Variants in PTPN1 observed in about 807,000 individuals in gnomAD.
PTPN1 encodes protein tyrosine phosphatase non-receptor type 1.
A neutral mutation model predicts 59.9 loss-of-function variants in PTPN1; 12 were observed. The observed-to-expected ratio is 0.20, with a 90% CI of 0.13 to 0.32. PTPN1 has a LOEUF of 0.32. PTPN1 is among the 10% of genes least tolerant of loss of function. PTPN1 has a pLI of 1.00. For synonymous variants in PTPN1, 178 were observed against 203.6 expected (o/e 0.87, Z 1.07); for missense variants, 356 against 549.2 (o/e 0.65, Z 3.52).
At chr20:50,542,523 A>G (rs183221327) in intron 1 of PTPN1, among the ~76,000 whole-genome samples, 34 of 152,328 alleles carry the variant, frequency 2.2e-4, no homozygotes, top group Non-Finnish European at 1.3e-4. Flanking sequence ...TTGTCATTTC[A>G]TGAGCTTTGG....
At chr20:50,558,767 A>G (rs1601406173) in intron 1 of PTPN1, among the ~76,000 whole-genome samples, 4 of 152,182 alleles carry the variant, frequency 2.6e-5, no homozygotes, top group African/African-American at 7.2e-5. Context: ...TCACACAGCT[A>G]TCTCGTGAGT....
chr20:50,514,479 G>C (rs564156249), intron 1 of PTPN1, among the ~76,000 whole-genome samples: 76 of 152,076 alleles, frequency 5.0e-4, no homozygotes, highest in Non-Finnish European at 8.7e-4. Flanking sequence ...TTGTGATCTT[G>C]TAGATTACAG....
chr20:50,578,822 G>A (rs767474836), intron 6 of PTPN1, among the ~76,000 whole-genome samples, 193 bp downstream of exon 6: 4 of 152,238 alleles, frequency 2.6e-5, no homozygotes, highest in Admixed American at 6.5e-5. Context: ...ACTGGCTCCC[G>A]GTTCTGCAGG....
chr20:50,567,987 A>G (rs1255203209), intron 3 of PTPN1, among the ~76,000 whole-genome samples: 2 of 152,258 alleles, frequency 1.3e-5, no homozygotes, highest in Admixed American at 6.5e-5. Flanking sequence ...GATTGGAACC[A>G]AGAGAAGTGT....
rs766874557 is a variant in PTPN1, at chr20:50,528,736, T to TAAA, written c.63+18159_63+18161dup. On this transcript the variant is annotated intron_variant, in intron 1 of 9. Transcript: ENST00000371621. ...CTTAAAAAAAAAAAAGACTCCATCT[T>TAAA]AAAAAAAAAAAAAAAGAAAAAAGAA... 1.8e-4 allele frequency among the ~76,000 whole-genome samples: 21 copies of TAAA among 115,376 alleles called. No homozygotes were observed. The South Asian group carries it at 5.5e-3, about 30-fold the overall frequency. The allele number at this position is 115,376 out of a possible 152,430, so 75.7% of individuals were successfully genotyped here.
intron 1 of PTPN1, among the ~76,000 whole-genome samples, chr20:50,560,099 G>C (rs561692103): frequency 8.4e-4 from 128 of 152,148 alleles, no homozygotes; most frequent in African/African-American, 3.0e-3. Context: ...AGATTATCTA[G>C]AGATGCTCTG....
chr20:50,528,404 T>C (rs750519053), intron 1 of PTPN1, among the ~76,000 whole-genome samples: 1 of 152,146 alleles, frequency 6.6e-6, no homozygotes, highest in Non-Finnish European at 1.5e-5. Flanking sequence ...CCCAATATAG[T>C]GTTTGGCATA....
intron 1 of PTPN1, among the ~76,000 whole-genome samples, chr20:50,534,621 T>C (rs1337136869): frequency 6.6e-6 from 1 of 152,194 alleles, no homozygotes; most frequent in East Asian, 1.9e-4. Flanking sequence ...TATAAGTTAA[T>C]ATTTGTATCT....
intron 1 of PTPN1, among the ~76,000 whole-genome samples, chr20:50,543,707 C>G (rs1174013566): frequency 6.6e-6 from 1 of 152,102 alleles, no homozygotes; most frequent in African/African-American, 2.4e-5. Context: ...AAAATAGACT[C>G]TGATGGTTTA....
At chr20:50,521,441 G>A (rs765768059) in intron 1 of PTPN1, among the ~76,000 whole-genome samples, 5 of 152,238 alleles carry the variant, frequency 3.3e-5, no homozygotes, top group Admixed American at 6.5e-5. Context: ...AATGTTTCAG[G>A]AGGACAATGA....
intron 1 of PTPN1, among the ~76,000 whole-genome samples, chr20:50,555,107 A>T (rs777562815): frequency 6.6e-6 from 1 of 152,242 alleles, no homozygotes; most frequent in Non-Finnish European, 1.5e-5. Context: ...GAAGAAAGGA[A>T]ATAGAGTAGA....
intron 1 of PTPN1, among the ~76,000 whole-genome samples, chr20:50,547,294 CT>C (rs1454561896): frequency 6.6e-6 from 1 of 152,030 alleles, no homozygotes; most frequent in Non-Finnish European, 1.5e-5. Flanking sequence ...AACAAAGGCT[CT>C]AGAAGCTTAC....
chr20:50,562,980 A>G (rs935365374), intron 2 of PTPN1: 4 of 152,144 alleles, frequency 2.6e-5, no homozygotes, highest in African/African-American at 9.7e-5. Context: ...ACAGAGAAAA[A>G]AAACCAGTAT....
In PTPN1 at chr20:50,579,909, A is replaced by T. The variant is rs747984986; in HGVS notation, c.1071A>T (p.Ala357=). ...KEEKGSPLNA[A]PYGIESMSQD... ...AAAAAGGAAGCCCCTTAAATGCCGC[A>T]CCCTACGGCATCGAAAGGTAATATG... The change falls in exon 8 of 10, where the codon GCA becomes GCT. Residue 357 remains alanine, a synonymous_variant. Transcript: ENST00000371621. 1 of 1,613,636 alleles carries T rather than the reference A, an allele frequency of 6.2e-7. No individual in the cohort carries two copies. Among genetic ancestry groups the T allele is most frequent in the African/African-American group, 1.3e-5 (1 of 74,902 alleles).
At chr20:50,578,650 G>T in intron 6 of PTPN1, 21 bp downstream of exon 6, 2 of 1,603,142 alleles carry the variant, frequency 1.2e-6, no homozygotes, top group Non-Finnish European at 1.7e-6. Context: ...CCTCGCGGGT[G>T]CCCTGGGGAG....
intron 8 of PTPN1, 106 bp from the exon 9 acceptor site, chr20:50,581,159 T>A (rs186351414): frequency 3.7e-4 from 547 of 1,469,874 alleles, no homozygotes; most frequent in Admixed American, 2.2e-3. Context: ...TCCAACTCTG[T>A]CTACACGTGG....
chr20:50,578,142 A>G, intron 5 of PTPN1: 1 of 393,412 alleles, frequency 2.5e-6, no homozygotes, highest in Non-Finnish European at 4.8e-6. Context: ...AACCATGTAG[A>G]CAGTGGAAGT....
intron 3 of PTPN1, among the ~76,000 whole-genome samples, chr20:50,566,609 C>A (rs150199172): frequency 1.6e-4 from 25 of 152,196 alleles, no homozygotes; most frequent in African/African-American, 5.5e-4. Context: ...ACACCCTTCC[C>A]ATTTTTTTTT....
chr20:50,565,473 C>A (rs2082774547), intron 3 of PTPN1, among the ~76,000 whole-genome samples: 1 of 152,220 alleles, frequency 6.6e-6, no homozygotes, highest in South Asian at 2.1e-4. Context: ...TGTCCAGAGC[C>A]ATTCAGAGTA....
Sources: gnomAD v4.1 joint callset for allele counts (sites outside exome capture counted in the v4.1 genomes callset) on GRCh38, gnomAD v4.1.1 for gene constraint, MANE v1.5 for transcripts, NCBI Gene and HGNC (gene_info 2026-07-23, HGNC 2026-07-21) for gene names.